The following ESR1 variants were observed in gnomAD, a reference collection of about 807,000 sequenced individuals.
ESR1 encodes estrogen receptor 1, also known as estrogen receptor.
ESR1 carries 12 observed loss-of-function variants against 52.7 expected under a neutral mutation model. The observed-to-expected ratio is 0.23, with a 90% CI of 0.15 to 0.37. The LOEUF (loss-of-function observed/expected upper bound fraction) is 0.37. Among genes scored for constraint, ESR1 ranks in the 10% least tolerant of loss-of-function variants. The pLI is 1.00. For synonymous variants in ESR1, 305 were observed against 316.8 expected (o/e 0.96, Z 0.39); for missense variants, 584 against 779.7 (o/e 0.75, Z 2.99).
At chr6:151,922,542 A>G (rs2128465332) in intron 3 of ESR1, among the ~76,000 whole-genome samples, 1 of 152,270 alleles carries the variant, frequency 6.6e-6, no homozygotes, top group Non-Finnish European at 1.5e-5. Context: ...AGCTTTGGCC[A>G]TTTGGAGATT....
At chr6:151,929,808 G>A (rs1562560068) in intron 3 of ESR1, among the ~76,000 whole-genome samples, 1 of 151,844 alleles carries the variant, frequency 6.6e-6, no homozygotes, top group African/African-American at 2.4e-5. Context: ...CTTTTAACTG[G>A]TATATTTAAA....
intron 4 of ESR1, among the ~76,000 whole-genome samples, chr6:151,977,441 C>CAAAAAAAAAAA (rs200819406): frequency 7.7e-4 from 100 of 130,472 alleles, no homozygotes; most frequent in African/African-American, 2.7e-3. Context: ...CTGTGTAGTG[C>CAAAAAAAAAAA]AAAAAAAAAA....
chr6:151,991,117 C>T (rs901099187), intron 4 of ESR1, among the ~76,000 whole-genome samples: 6 of 152,094 alleles, frequency 3.9e-5, no homozygotes, highest in African/African-American at 1.4e-4. Context: ...GAATGTTAAG[C>T]CAAAAGCCCA....
chr6:152,044,015 A>G (rs186839060), intron 5 of ESR1, among the ~76,000 whole-genome samples: 1 of 152,290 alleles, frequency 6.6e-6, no homozygotes, highest in East Asian at 1.9e-4. Context: ...GTGGTTCTGG[A>G]GCTGGGAGAT....
chr6:151,813,347 G>T (rs112178667), intron 1 of ESR1: 1 of 152,104 alleles, frequency 6.6e-6, no homozygotes, highest in East Asian at 1.9e-4. Flanking sequence ...CTTACAACCC[G>T]CTTGTAAGTG....
intron 4 of ESR1, among the ~76,000 whole-genome samples, chr6:151,945,989 G>T (rs1264180355): frequency 2.0e-5 from 3 of 152,152 alleles, no homozygotes; most frequent in Non-Finnish European, 4.4e-5. Flanking sequence ...AGTCGAACTG[G>T]CAAACAAAAA....
downstream of ESR1, among the ~76,000 whole-genome samples, chr6:152,103,484 T>C (rs1437050061): frequency 6.6e-6 from 1 of 152,224 alleles, no homozygotes; most frequent in Non-Finnish European, 1.5e-5. Context: ...ATTCTTGGCT[T>C]CACCACTTAC....
intron 2 of ESR1, among the ~76,000 whole-genome samples, chr6:151,736,744 T>G (rs1422135171): frequency 6.6e-6 from 1 of 152,066 alleles, no homozygotes; most frequent in Non-Finnish European, 1.5e-5. Flanking sequence ...TTTGTTGCAG[T>G]AACTATTATT....
chr6:151,900,660 T>G (rs190319941), intron 3 of ESR1, among the ~76,000 whole-genome samples: 1 of 152,340 alleles, frequency 6.6e-6, no homozygotes, highest in East Asian at 1.9e-4. Flanking sequence ...CTCTCCCCCT[T>G]TTCTTAGAGA....
chr6:151,680,314 C>T (rs1184226903), intron 1 of ESR1, among the ~76,000 whole-genome samples: 1 of 151,520 alleles, frequency 6.6e-6, no homozygotes, highest in East Asian at 1.9e-4. Context: ...AGTGAGTCTC[C>T]TGCCTCAGCC....
At chr6:151,918,912 ATTTC>A (rs1467943548) in intron 3 of ESR1, among the ~76,000 whole-genome samples, 2 of 151,076 alleles carry the variant, frequency 1.3e-5, no homozygotes, top group Non-Finnish European at 2.9e-5. Flanking sequence ...ATCCTAACTT[ATTTC>A]TTTTATTTAG....
chr6:151,841,361 G>C (rs1284635289), intron 1 of ESR1, among the ~76,000 whole-genome samples: 2 of 151,982 alleles, frequency 1.3e-5, no homozygotes, highest in Non-Finnish European at 2.9e-5. Context: ...CTGAATTTTG[G>C]CTTGTGCCTG....
chr6:152,079,325 G>A (rs371373943), intron 6 of ESR1, among the ~76,000 whole-genome samples: 8 of 152,294 alleles, frequency 5.3e-5, no homozygotes, highest in African/African-American at 1.4e-4. Context: ...TGCAGCCTCC[G>A]CTGGTGATAC....
intron 4 of ESR1, among the ~76,000 whole-genome samples, chr6:151,981,497 T>C (rs1584626437): frequency 6.6e-6 from 1 of 152,208 alleles, no homozygotes; most frequent in South Asian, 2.1e-4. Flanking sequence ...AAGGGAAATA[T>C]CAAGGCTAAA....
chr6:151,802,355 A>G (rs1777339702), upstream of ESR1, among the ~76,000 whole-genome samples: 1 of 152,230 alleles, frequency 6.6e-6, no homozygotes. Flanking sequence ...ATTTATAATC[A>G]GTACAATAAT....
chr6:151,662,215 C>A (rs977936773), intron 1 of ESR1, among the ~76,000 whole-genome samples: 1 of 152,146 alleles, frequency 6.6e-6, no homozygotes, highest in Admixed American at 6.5e-5. Flanking sequence ...TATGGCCTTG[C>A]TTGTATATAC....
rs1161854826 is a variant in ESR1, at chr6:152,121,084, T to C, written c.851-4182T>C. ...TCCGGACTAGGGCACCAGAGCTGTC[T>C]ACCAGAAGAGAAGCCAGAGACCTGA... On this transcript the variant is annotated intron_variant, in intron 6 of 6. Coordinates refer to the ESR1 transcript ENST00000427531. Among the ~76,000 whole-genome samples the C allele has an allele frequency of 3.3e-5, 5 of 152,332 alleles. No individual in the cohort carries two copies. In the East Asian group the frequency reaches 9.6e-4, roughly 29 times the overall value.
At chr6:151,707,258 A>C (rs894195916) in intron 2 of ESR1, among the ~76,000 whole-genome samples, 1 of 152,200 alleles carries the variant, frequency 6.6e-6, no homozygotes. Context: ...ATACATAAAA[A>C]TCACTTATTC....
intron 3 of ESR1, among the ~76,000 whole-genome samples, chr6:151,926,003 T>G (rs576528302): frequency 6.6e-6 from 1 of 152,298 alleles, no homozygotes; most frequent in East Asian, 1.9e-4. Context: ...TATAAGTTTT[T>G]CTTTTTCCAC....
Sources: allele counts gnomAD v4.1 joint callset (sites outside exome capture counted in the v4.1 genomes callset), GRCh38; gene constraint gnomAD v4.1.1; transcripts MANE v1.5; gene names NCBI Gene and HGNC (gene_info 2026-07-23, HGNC 2026-07-21).